Variants in DCTD observed in about 807,000 individuals in gnomAD.
DCTD encodes dCMP deaminase.
A neutral mutation model predicts 21.0 loss-of-function variants in DCTD; 23 were observed. The ratio of observed to expected loss-of-function variants is 1.09; its 90% CI spans 0.79 to 1.55. DCTD has a LOEUF of 1.55. Ranked by LOEUF, DCTD falls within the 40% of genes most tolerant of loss-of-function variation. The probability of loss-of-function intolerance (pLI) is 0.00; values close to 1 mark genes in which losing one functional copy is unlikely to be tolerated. For synonymous variants in DCTD, 71 were observed against 81.1 expected (o/e 0.88, Z 0.67); for missense variants, 224 against 230.0 (o/e 0.97, Z 0.17).
At chr4:182,893,001 C>G (rs754454079) in intron 5 of DCTD, 30 bp downstream of exon 5, 6 of 1,392,682 alleles carry the variant, frequency 4.3e-6, no homozygotes, top group Admixed American at 1.7e-5. Flanking sequence ...CACCCTACCC[C>G]GTCCCCCCGC....
At chr4:182,894,742 G>A (rs1734427927) in intron 3 of DCTD, 137 bp from the exon 4 acceptor site, 1 of 679,798 alleles carries the variant, frequency 1.5e-6, no homozygotes, top group Non-Finnish European at 2.6e-6. Context: ...GAAATGGCAA[G>A]TCCTAAGAAT....
intron 1 of DCTD, chr4:182,915,919 G>C: frequency 9.4e-7 from 1 of 1,063,438 alleles, no homozygotes. Context: ...CAGGAGGAGG[G>C]TGGAAAAAAG....
At position 182,915,110 on chromosome 4, in the gene DCTD, G is replaced by A. The variant is rs756445347; in HGVS notation, c.109-52C>T. 4.9e-5 allele frequency: 79 copies of A among 1,611,052 alleles called. No individual in the cohort carries two copies. In the East Asian group the frequency reaches 8.0e-4, roughly 16 times the overall value. On this transcript the variant is annotated intron_variant, in intron 2 of 5. Transcript: ENST00000438320. ...GGTGCCTGCAACTGGCTGGTCTGCC[G>A]CTGTGGAAGCAGGGAATAAAACCAG...
At chr4:182,911,917 T>G (rs932089228) in intron 3 of DCTD, among the ~76,000 whole-genome samples, 3 of 152,144 alleles carry the variant, frequency 2.0e-5, no homozygotes, top group Admixed American at 2.0e-4. Flanking sequence ...TCCTGGAAGT[T>G]TTTCAGCATT....
At position 182,890,274 on chromosome 4, in the gene DCTD, G is replaced by A. The variant is rs188102055; in HGVS notation, c.*1125C>T. 13 of 152,308 alleles carry A rather than the reference G, an allele frequency of 8.5e-5. No individual in the cohort carries two copies. The highest frequency in any genetic ancestry group is 2.4e-4 in the African/African-American group (10 of 41,564). The allele number at this position is 152,308 out of a possible 1,614,324, so 9.4% of individuals were successfully genotyped here. On this transcript the variant is annotated 3_prime_UTR_variant, in exon 6 of 6. Transcript: ENST00000438320. Reference sequence around the variant, plus strand: ...AAAGCCTTTTCTCAACACAGGTACTGAGCATGTTTAATAAAAATTAAATGA... The same window carrying A: ...AAAGCCTTTTCTCAACACAGGTACTAAGCATGTTTAATAAAAATTAAATGA...
rs1175844849 is a variant in DCTD at position 182,905,694 on chromosome 4, A to C, written c.244+9229T>G. ...GAGCCCTCAGGGCTCAGCCACAGCTACTCCTACTGCCTCTGCACATGCTCC... is the reference window on the plus strand; with the variant it reads ...GAGCCCTCAGGGCTCAGCCACAGCTCCTCCTACTGCCTCTGCACATGCTCC... On this transcript the variant is annotated intron_variant, in intron 3 of 5. Coordinates refer to ENST00000438320, the MANE Select transcript of DCTD (RefSeq NM_001921.3). Among the ~76,000 whole-genome samples the C allele has an allele frequency of 3.3e-5, 5 of 151,830 alleles. No individual in the cohort carries two copies. The East Asian group carries it at 9.7e-4, about 29-fold the overall frequency.
At chr4:182,907,565 T>A (rs530717130) in intron 3 of DCTD, among the ~76,000 whole-genome samples, 29 of 152,302 alleles carry the variant, frequency 1.9e-4, no homozygotes, top group African/African-American at 6.5e-4. Context: ...ATATGGTCTA[T>A]ATTCATCTTA....
In DCTD at chr4:182,900,085, G is replaced by C. The variant is rs531802069; in HGVS notation, c.245-5480C>G. The stretch of plus-strand genomic sequence containing the variant: ...ATCCCAGCACTTTGGGAGGCCAAGT[G>C]GGGGAGATCGTTTGAGCTCAAGAGT... On this transcript the variant is annotated intron_variant, in intron 3 of 5. Coordinates refer to ENST00000438320, the MANE Select transcript of DCTD (RefSeq NM_001921.3). Among the ~76,000 whole-genome samples, 10 of 152,208 alleles carry C rather than the reference G, an allele frequency of 6.6e-5. No individual in the cohort carries two copies. In the South Asian group the frequency reaches 8.3e-4, roughly 13 times the overall value.
At chr4:182,899,214 T>C (rs1027860354) in intron 3 of DCTD, among the ~76,000 whole-genome samples, 16 of 152,146 alleles carry the variant, frequency 1.1e-4, no homozygotes, top group Non-Finnish European at 1.2e-4. Flanking sequence ...GCCTGGAACC[T>C]TTTGATTCAC....
At chr4:182,904,268 G>C (rs553185600) in intron 3 of DCTD, among the ~76,000 whole-genome samples, 62 of 152,144 alleles carry the variant, frequency 4.1e-4, no homozygotes, top group Non-Finnish European at 4.9e-4. Flanking sequence ...ATGGGCTAAG[G>C]GCACACAATC....
intron 3 of DCTD, among the ~76,000 whole-genome samples, chr4:182,909,310 T>A (rs757330978): frequency 1.1e-4 from 16 of 152,224 alleles, no homozygotes; most frequent in Non-Finnish European, 2.2e-4. Flanking sequence ...ATATATACAC[T>A]GGTGTGTCCC....
rs1314932361 is a variant in DCTD, at chr4:182,891,409, T to C, written c.527A>G (p.Lys176Arg). 1 of 1,608,640 alleles carries C rather than the reference T, an allele frequency of 6.2e-7. No individual in the cohort carries two copies. The highest frequency in any genetic ancestry group is 8.5e-7 in the Non-Finnish European group (1 of 1,175,022). The change falls in exon 6 of 6, where the codon AAG becomes AGG. Residue 176 changes from lysine to arginine, a missense_variant. By Grantham distance (26) the Lys-to-Arg change is conservative (BLOSUM62 2). Coordinates refer to ENST00000438320, the MANE Select transcript of DCTD (RefSeq NM_001921.3). Reference protein sequence around the residue: ...FDSINSRPSQKLQ With the variant: ...FDSINSRPSQRLQ ...TGAATGAGATGTAACTCACTGAAGCTTTTGACTCGGTCTGCTGTTAATTGA... is the reference window on the plus strand; with the variant it reads ...TGAATGAGATGTAACTCACTGAAGCCTTTGACTCGGTCTGCTGTTAATTGA...
intron 3 of DCTD, among the ~76,000 whole-genome samples, chr4:182,899,398 T>C (rs891238034): frequency 2.2e-5 from 3 of 138,834 alleles, no homozygotes; most frequent in African/African-American, 2.8e-5. Context: ...CCCTTTTTTT[T>C]CTTTTTCTTT....
intron 3 of DCTD, among the ~76,000 whole-genome samples, 166 bp downstream of exon 3, chr4:182,914,757 T>C (rs1488622582): frequency 2.0e-5 from 3 of 152,170 alleles, no homozygotes; most frequent in African/African-American, 7.2e-5. Context: ...CGTGGCTCTC[T>C]TTGGAACTTA....
At chr4:182,909,361 C>T (rs181812443) in intron 3 of DCTD, among the ~76,000 whole-genome samples, 75 of 152,250 alleles carry the variant, frequency 4.9e-4, no homozygotes, top group Admixed American at 8.5e-4. Context: ...GCTGAGTTTG[C>T]CCCTTGATTC....
chr4:182,898,283 C>T (rs1201167172), intron 3 of DCTD, among the ~76,000 whole-genome samples: 3 of 152,224 alleles, frequency 2.0e-5, no homozygotes, highest in African/African-American at 7.2e-5. Context: ...CTCTCCACCT[C>T]TGCCAGCGAG....
chr4:182,902,886 G>A (rs948310081), intron 3 of DCTD, among the ~76,000 whole-genome samples: 1 of 152,306 alleles, frequency 6.6e-6, no homozygotes, highest in South Asian at 2.1e-4. Flanking sequence ...TCCAGAAAAC[G>A]AGGGTTCTAG....
chr4:182,916,779 AG>A, intron 1 of DCTD: 1 of 1,128,004 alleles, frequency 8.9e-7, no homozygotes, highest in Non-Finnish European at 1.1e-6. Context: ...AGGAGAGGGA[AG>A]GGTCCTGTTA....
chr4:182,917,551 C>T (rs1041312569), upstream of DCTD: 2 of 219,284 alleles, frequency 9.1e-6, no homozygotes, highest in Non-Finnish European at 1.7e-5. The surrounding 1 kb of genome is among the most constrained non-coding windows in gnomAD (Gnocchi z 4.9). Flanking sequence ...CCGTACGCCT[C>T]CCGGTCCCCG....
Sources: gnomAD v4.1 joint callset for allele counts (sites outside exome capture counted in the v4.1 genomes callset) on GRCh38, gnomAD v4.1.1 for gene constraint, Gnocchi (gnomAD v3.1) non-coding constraint, MANE v1.5 for transcripts, NCBI Gene and HGNC (gene_info 2026-07-23, HGNC 2026-07-21) for gene names.